THSD7A: variants seen among roughly 807,000 people sequenced by gnomAD.
THSD7A encodes the protein thrombospondin type-1 domain-containing protein 7A.
THSD7A carries 96 observed loss-of-function variants against 231.3 expected under a neutral mutation model. That is an observed-to-expected ratio of 0.41 (90% CI 0.35 to 0.49). The LOEUF is 0.49. Ranked by LOEUF, THSD7A falls within the 20% of genes least tolerant of loss-of-function variation. The pLI is 0.05. For synonymous variants in THSD7A, 940 were observed against 743.3 expected, an observed-to-expected ratio of 1.26 and a Z score of -4.30; for missense variants, 2,290 against 2,070.2, an observed-to-expected ratio of 1.11 and a Z score of -2.06.
chr7:11,699,753 C>T (rs1316799042), intron 1 of THSD7A, among the ~76,000 whole-genome samples: 2 of 151,214 alleles, frequency 1.3e-5, no homozygotes, highest in Non-Finnish European at 3.0e-5. Flanking sequence ...GTGAAATCTT[C>T]GGCTTTCCAC....
At chr7:11,662,987 G>A (rs80152520) in intron 1 of THSD7A, among the ~76,000 whole-genome samples, 15,323 of 150,970 alleles carry the variant, frequency 0.1, 988 homozygotes, top group Non-Finnish European at 0.15. Context: ...TACAATCTAA[G>A]TATTCATATA....
intron 1 of THSD7A, among the ~76,000 whole-genome samples, chr7:11,659,497 T>C (rs966971651): frequency 3.3e-5 from 5 of 151,452 alleles, no homozygotes; most frequent in African/African-American, 9.7e-5. Context: ...TTTGGCACAA[T>C]TGCCTTCTAT....
intron 1 of THSD7A, among the ~76,000 whole-genome samples, chr7:11,813,177 CT>C (rs1784580504): frequency 6.6e-6 from 1 of 152,032 alleles, no homozygotes; most frequent in African/African-American, 2.4e-5. Context: ...TTATTTTTTT[CT>C]TTATTGAAGA....
In THSD7A at chr7:11,769,296, C is replaced by G. The variant is rs1303060788; in HGVS notation, c.190+62461G>C. 4.0e-5 allele frequency among the ~76,000 whole-genome samples: 6 copies of G among 150,488 alleles called. No homozygotes were observed. The East Asian group carries it at 1.2e-3, about 29-fold the overall frequency. ...ACAGGCATGAGCCACTGCGCCTGGC[C>G]CATTTAATGGATTTGAAAGCAATCA... On this transcript the variant is annotated intron_variant, in intron 1 of 27. Coordinates refer to ENST00000423059, the MANE Select transcript of THSD7A (RefSeq NM_015204.3).
intron 9 of THSD7A, among the ~76,000 whole-genome samples, chr7:11,466,809 G>C (rs904263417): frequency 6.6e-6 from 1 of 151,852 alleles, no homozygotes; most frequent in Non-Finnish European, 1.5e-5. Context: ...ACCATCTCAG[G>C]AACACCAGGA....
chr7:11,391,053 C>G (rs1363121140), intron 23 of THSD7A, among the ~76,000 whole-genome samples: 1 of 152,194 alleles, frequency 6.6e-6, no homozygotes, highest in African/African-American at 2.4e-5. Context: ...GAGGTGTCTC[C>G]CAGTCAGGAG....
chr7:11,695,723 T>C (rs1331776891), intron 1 of THSD7A, among the ~76,000 whole-genome samples: 1 of 151,510 alleles, frequency 6.6e-6, no homozygotes, highest in African/African-American at 2.4e-5. Context: ...TGGTAAGTGA[T>C]ACTGAAAAGT....
intron 1 of THSD7A, among the ~76,000 whole-genome samples, chr7:11,662,686 A>G (rs1782975011): frequency 6.6e-6 from 1 of 151,340 alleles, no homozygotes; most frequent in African/African-American, 2.4e-5. Context: ...AAATCTCAAT[A>G]AACCTCAAAG....
intron 8 of THSD7A, among the ~76,000 whole-genome samples, chr7:11,471,697 G>A (rs1283620221): frequency 6.6e-6 from 1 of 151,704 alleles, no homozygotes; most frequent in Non-Finnish European, 1.5e-5. Context: ...TCAAAGTCAC[G>A]GACAACAAAT....
At chr7:11,794,485 C>T (rs989986466) in intron 1 of THSD7A, among the ~76,000 whole-genome samples, 1 of 151,964 alleles carries the variant, frequency 6.6e-6, no homozygotes, top group Non-Finnish European at 1.5e-5. Flanking sequence ...CTTTTCTACA[C>T]ATCGACTTCC....
chr7:11,415,970 C>A (rs1783945234), intron 17 of THSD7A, among the ~76,000 whole-genome samples: 1 of 152,288 alleles, frequency 6.6e-6, no homozygotes, highest in African/African-American at 2.4e-5. Flanking sequence ...GCTGGAGTCT[C>A]TCTGAACCTG....
In THSD7A at chr7:11,444,062, C is replaced by T. The variant is rs1375287617; in HGVS notation, c.3064+1999G>A. Reference sequence around the variant, plus strand: ...ACATATGAAAAAAAGCTCATCATCACTGGTCATTAGAGAAATGCAAATCAA... The same window carrying T: ...ACATATGAAAAAAAGCTCATCATCATTGGTCATTAGAGAAATGCAAATCAA... On this transcript the variant is annotated intron_variant, in intron 13 of 27. Coordinates refer to ENST00000423059, the MANE Select transcript of THSD7A (RefSeq NM_015204.3). The surrounding 1 kb of genome is among the most constrained non-coding windows in gnomAD (Gnocchi z 4.2). Among the ~76,000 whole-genome samples the T allele has an allele frequency of 6.6e-6, 1 of 152,092 alleles. No individual in the cohort carries two copies. Among genetic ancestry groups the T allele is most frequent in the Non-Finnish European group, 1.5e-5 (1 of 68,016 alleles).
chr7:11,657,158 G>C (rs1401768407), intron 1 of THSD7A, among the ~76,000 whole-genome samples: 1 of 151,778 alleles, frequency 6.6e-6, no homozygotes, highest in Non-Finnish European at 1.5e-5. Flanking sequence ...TGTATACATA[G>C]CAGTGTGAGC....
chr7:11,371,807 T>C lies in THSD7A; in HGVS notation c.*3987A>G, dbSNP rs931647782. The C allele has an allele frequency of 2.0e-5, 3 of 151,862 alleles. No individual in the cohort carries two copies. The highest frequency in any genetic ancestry group is 7.3e-5 in the African/African-American group (3 of 41,298). The allele number at this position is 151,862 out of a possible 1,614,324, so 9.4% of individuals were successfully genotyped here. Reference sequence around the variant, plus strand: ...TTCCTTTTCCCTTTATTCATTTCTTTGACCAGTGGATTTGGTGTAAATCAG... The same window carrying C: ...TTCCTTTTCCCTTTATTCATTTCTTCGACCAGTGGATTTGGTGTAAATCAG... On this transcript the variant is annotated 3_prime_UTR_variant, in exon 28 of 28. Transcript: ENST00000423059.
intron 1 of THSD7A, among the ~76,000 whole-genome samples, chr7:11,744,978 A>G (rs1782237435): frequency 6.6e-6 from 1 of 152,004 alleles, no homozygotes; most frequent in Non-Finnish European, 1.5e-5. Flanking sequence ...TGGCTGGGTC[A>G]AATGGTATTT....
At chr7:11,759,107 TC>T (rs1176129637) in intron 1 of THSD7A, among the ~76,000 whole-genome samples, 1 of 152,002 alleles carries the variant, frequency 6.6e-6, no homozygotes, top group Non-Finnish European at 1.5e-5. Flanking sequence ...TAGCTAATGT[TC>T]CAAGAAACAC....
At chr7:11,820,497 CT>C in intron 1 of THSD7A, 1 of 947,752 alleles carries the variant, frequency 1.1e-6, no homozygotes, top group Non-Finnish European at 1.6e-6. Flanking sequence ...ATACTTCTTG[CT>C]TTTGGGTGTG....
rs570474645 is a variant in THSD7A, at chr7:11,663,752, T to C, written c.191-26791A>G. Among the ~76,000 whole-genome samples the C allele has an allele frequency of 1.6e-3, 245 of 151,698 alleles. 1 individual carries two copies. Among genetic ancestry groups the C allele is most frequent in the African/African-American group, 5.6e-3 (232 of 41,514 alleles). ...TTGGTTTTAATGTTTAAAAAGTCAA[T>C]TGATGTAATAAAATAAGAACTACTC... On this transcript the variant is annotated intron_variant, in intron 1 of 27. Transcript: ENST00000423059.
At chr7:11,728,457 G>A (rs1320859424) in intron 1 of THSD7A, among the ~76,000 whole-genome samples, 1 of 151,866 alleles carries the variant, frequency 6.6e-6, no homozygotes, top group African/African-American at 2.4e-5. Context: ...TAGAAAACAT[G>A]AATTGAAGGC....
Sources: allele counts gnomAD v4.1 joint callset (sites outside exome capture counted in the v4.1 genomes callset), GRCh38; gene constraint gnomAD v4.1.1; non-coding constraint Gnocchi (gnomAD v3.1); transcripts MANE v1.5; gene names NCBI Gene and HGNC (gene_info 2026-07-23, HGNC 2026-07-21).